The following IQANK1 variants were observed in gnomAD, a reference collection of about 807,000 sequenced individuals.
IQANK1 encodes IQ motif and ankyrin repeat containing 1, also known as IQ motif and ankyrin repeat domain-containing protein 1.
A neutral mutation model predicts 22.6 loss-of-function variants in IQANK1; 30 were observed. The observed-to-expected ratio is 1.33, with a 90% confidence interval of 0.99 to 1.80. The LOEUF (loss-of-function observed/expected upper bound fraction) is 1.80, where lower values mean the gene tolerates loss of function less well. Among genes scored for constraint, IQANK1 ranks in the 40% most tolerant of loss-of-function variants. IQANK1 has a pLI of 0.00. For synonymous variants in IQANK1, 122 were observed against 99.6 expected (o/e 1.23, Z -1.34); for missense variants, 275 against 235.2 (o/e 1.17, Z -1.11).
intron 7 of IQANK1, among the ~76,000 whole-genome samples, chr8:143,775,742 A>G (rs1554630325): frequency 6.6e-6 from 1 of 150,912 alleles, no homozygotes; most frequent in Non-Finnish European, 1.5e-5. Flanking sequence ...AGCCTGGGCA[A>G]CAGAGTGAGA....
At chr8:143,780,949 T>C (rs782183260) in intron 7 of IQANK1, among the ~76,000 whole-genome samples, 19 of 152,194 alleles carry the variant, frequency 1.2e-4, no homozygotes, top group Non-Finnish European at 2.2e-4. Context: ...ACCAACAGTG[T>C]GTGTGTGTTC....
intron 3 of IQANK1, among the ~76,000 whole-genome samples, chr8:143,749,765 G>C (rs986310828): frequency 6.7e-6 from 1 of 149,862 alleles, no homozygotes; most frequent in African/African-American, 2.4e-5. Flanking sequence ...GTTTCGCCCT[G>C]TTGGCCGGGG....
intron 3 of IQANK1, chr8:143,746,159 C>G (rs1181953805): frequency 6.6e-6 from 1 of 152,192 alleles, no homozygotes; most frequent in Admixed American, 6.5e-5. Flanking sequence ...ATTTCTTTTC[C>G]TTGCCTAACT....
intron 3 of IQANK1, among the ~76,000 whole-genome samples, chr8:143,751,625 AGTGTG>A (rs1417442771): frequency 2.1e-5 from 2 of 95,996 alleles, no homozygotes; most frequent in African/African-American, 7.4e-5. Flanking sequence ...AAAAAAAAAA[AGTGTG>A]TGTGTGTGTG....
intron 3 of IQANK1, among the ~76,000 whole-genome samples, chr8:143,750,960 GTGTGTGTT>G (rs1482630973): frequency 9.9e-5 from 15 of 150,908 alleles, no homozygotes; most frequent in Admixed American, 8.6e-4. Context: ...GTGTGTGTGT[GTGTGTGTT>G]TTTTTGTAGT....
intron 2 of IQANK1, chr8:143,739,602 A>G (rs972002098): frequency 2.5e-6 from 1 of 398,792 alleles, no homozygotes. Flanking sequence ...CCTTGGGCCC[A>G]CAAGAGCCCA....
chr8:143,741,993 G>T, intron 3 of IQANK1: 1 of 250,980 alleles, frequency 4.0e-6, no homozygotes, highest in South Asian at 5.1e-5. Context: ...ATGCCACTCT[G>T]CCCCGGGGCC....
chr8:143,747,910 G>GTCCTGTCCTT (rs1489809915), intron 3 of IQANK1, among the ~76,000 whole-genome samples: 37 of 106,296 alleles, frequency 3.5e-4, no homozygotes, highest in Admixed American at 6.5e-4. Flanking sequence ...ATTGTGTTAA[G>GTCCTGTCCTT]TCCTTTCCTT....
chr8:143,770,624 G>A (rs570906127), intron 3 of IQANK1, among the ~76,000 whole-genome samples: 1 of 152,332 alleles, frequency 6.6e-6, no homozygotes, highest in Admixed American at 6.5e-5. Context: ...CACCTGTGGA[G>A]ACCCAGCTGC....
Position 143,735,604 on chromosome 8 carries a change from G to T in IQANK1, c.-4-246G>T, listed in dbSNP as rs1554625546. 1.3e-5 allele frequency among the ~76,000 whole-genome samples: 2 copies of T among 152,132 alleles called. No homozygotes were observed. Among genetic ancestry groups the T allele is most frequent in the Non-Finnish European group, 2.9e-5 (2 of 68,014 alleles). On this transcript the variant is annotated intron_variant, in intron 1 of 13. Transcript: ENST00000527139. The surrounding 1 kb of genome is among the most constrained non-coding windows in gnomAD (Gnocchi z 5.2). ...GGCTGAGCCTGGGGCGGAGGGGCAG[G>T]CAAGCCACGGCCAGGGGGACGGGAG...
chr8:143,747,545 G>C (rs1404293928), intron 3 of IQANK1, among the ~76,000 whole-genome samples: 1 of 152,036 alleles, frequency 6.6e-6, no homozygotes, highest in Non-Finnish European at 1.5e-5. Context: ...CATCTCCTAA[G>C]GTTGGTATGT....
At position 143,771,743 on chromosome 8, in the gene IQANK1, CCTCGGGG is replaced by C; in HGVS notation, c.307-49_307-43del. ...CCGACCTCAGAGGCGTGGACCGTGG[CCTCGGGG>C]CTCGGGGCGGTGGCGCGGAGTGGGC... On this transcript the variant is annotated intron_variant, in intron 4 of 13. Transcript: ENST00000527139. The surrounding 1 kb of genome is among the most constrained non-coding windows in gnomAD (Gnocchi z 6.0). The C allele has an allele frequency of 2.5e-6, 1 of 397,024 alleles. No homozygotes were observed. The highest frequency in any genetic ancestry group is 4.4e-6 in the Non-Finnish European group (1 of 225,300). The allele number at this position is 397,024 out of a possible 1,614,324, so 24.6% of individuals were successfully genotyped here. A position where few individuals can be genotyped will look rare whatever the true frequency, so the allele number is the denominator to read the frequency against.
intron 3 of IQANK1, among the ~76,000 whole-genome samples, chr8:143,756,467 C>T (rs531098042): frequency 2.0e-5 from 3 of 152,050 alleles, no homozygotes; most frequent in African/African-American, 2.4e-5. Flanking sequence ...GCATCTGAGC[C>T]GCCAGGACCT....
At chr8:143,751,652 G>GTATATATATA (rs1282292064) in intron 3 of IQANK1, among the ~76,000 whole-genome samples, 20 of 33,336 alleles carry the variant, frequency 6.0e-4, no homozygotes, top group Middle Eastern at 0.014. Flanking sequence ...GTGTGTGTGT[G>GTATATATATA]TGTGTGTGTG....
chr8:143,742,462 G>C (rs782326772), intron 3 of IQANK1: 2 of 456,070 alleles, frequency 4.4e-6, no homozygotes, highest in East Asian at 1.4e-4. Flanking sequence ...GGGCGAATGC[G>C]ATGTAGACAC....
intron 3 of IQANK1, among the ~76,000 whole-genome samples, chr8:143,767,977 G>A (rs906480649): frequency 2.3e-4 from 32 of 138,932 alleles, no homozygotes; most frequent in African/African-American, 6.9e-4. Flanking sequence ...TCCTCCTCCC[G>A]GGTTCAAGTG....
intron 3 of IQANK1, chr8:143,742,859 CGGT>C (rs1310893901): frequency 4.4e-6 from 2 of 456,026 alleles, no homozygotes; most frequent in Non-Finnish European, 8.8e-6. Flanking sequence ...GCTGCTGTCA[CGGT>C]GCTAAGGGGC....
chr8:143,783,994 C>A (rs1819842282), intron 7 of IQANK1, among the ~76,000 whole-genome samples: 1 of 152,166 alleles, frequency 6.6e-6, no homozygotes, highest in Admixed American at 6.5e-5. Context: ...AAGTCTTGTA[C>A]CAGATAAAAG....
chr8:143,775,870 A>C (rs2129921584), intron 7 of IQANK1, among the ~76,000 whole-genome samples: 1 of 151,996 alleles, frequency 6.6e-6, no homozygotes, highest in Middle Eastern at 3.4e-3. Context: ...GATGAAAAGT[A>C]CATTGATACA....
Sources: gnomAD v4.1 joint callset for allele counts (sites outside exome capture counted in the v4.1 genomes callset) on GRCh38, gnomAD v4.1.1 for gene constraint, Gnocchi (gnomAD v3.1) non-coding constraint, MANE v1.5 for transcripts, NCBI Gene and HGNC (gene_info 2026-07-23, HGNC 2026-07-21) for gene names.